The following PPP1R16B variants were observed in gnomAD, a reference collection of about 807,000 sequenced individuals.
PPP1R16B encodes protein phosphatase 1 regulatory inhibitor subunit 16B.
Under a neutral mutation model 61.7 loss-of-function variants are expected in PPP1R16B, and 14 were observed. The observed-to-expected ratio is 0.23, with a 90% CI of 0.15 to 0.35. The LOEUF is 0.35. Ranked by LOEUF, PPP1R16B falls within the 10% of genes least tolerant of loss-of-function variation. The probability of loss-of-function intolerance (pLI) is 1.00; values close to 1 mark genes in which losing one functional copy is unlikely to be tolerated. For synonymous variants in PPP1R16B, 266 were observed against 305.3 expected, an observed-to-expected ratio of 0.87 and a Z score of 1.34; for missense variants, 547 against 752.5, an observed-to-expected ratio of 0.73 and a Z score of 3.19.
chr20:38,836,980 C>A (rs1023973417), intron 2 of PPP1R16B, among the ~76,000 whole-genome samples: 1 of 152,218 alleles, frequency 6.6e-6, no homozygotes. Flanking sequence ...CAAGTTGGAT[C>A]TGGTTTCTCC....
intron 2 of PPP1R16B, among the ~76,000 whole-genome samples, chr20:38,855,978 A>AAGGAGGAGGAGGAGGAGGAGGAG (rs1265586618): frequency 4.0e-4 from 12 of 29,754 alleles, no homozygotes; most frequent in African/African-American, 9.0e-4. Context: ...AGAGAGAGAG[A>AAGGAGGAGGAGGAGGAGGAGGAG]GAGAAGGAGG....
At chr20:38,915,448 G>A (rs765542147) in intron 10 of PPP1R16B, among the ~76,000 whole-genome samples, 6 of 152,114 alleles carry the variant, frequency 3.9e-5, no homozygotes, top group Non-Finnish European at 7.4e-5. Flanking sequence ...TGTTATATAC[G>A]TGGAATTATA....
rs746448700 is a variant in PPP1R16B at position 38,918,555 on chromosome 20, T to G, written c.1593T>G (p.Asn531Lys). ...IGGRTSPYSS[N>K]GTSVYYTVTS... ...GCAGAACTTCACCGTACAGCAGCAA[T>G]GGGACCTCGGTATATTACACGGTCA... The change falls in exon 11 of 11, where the codon AAT (asparagine) becomes AAG (lysine). Residue 531 changes from asparagine to lysine, a missense_variant. Asn to Lys is a moderately conservative substitution (Grantham distance 94). Coordinates refer to ENST00000299824, the MANE Select transcript of PPP1R16B (RefSeq NM_015568.4). This position sits in a 1 kb window ranked among gnomAD's most constrained non-coding sequence, Gnocchi z 5.3. 6 of 1,567,320 alleles carry G rather than the reference T, an allele frequency of 3.8e-6. No homozygotes were observed. The South Asian group carries it at 6.0e-5, about 16-fold the overall frequency.
chr20:38,889,477 G>T, intron 2 of PPP1R16B, 118 bp from the exon 3 acceptor site: 1 of 837,254 alleles, frequency 1.2e-6, no homozygotes, highest in South Asian at 1.5e-5. Flanking sequence ...TCTGTAAAAT[G>T]GGGAGTTGTT....
At chr20:38,807,533 A>T (rs957296089) in intron 1 of PPP1R16B, among the ~76,000 whole-genome samples, 2 of 152,112 alleles carry the variant, frequency 1.3e-5, no homozygotes, top group African/African-American at 4.8e-5. Flanking sequence ...CAGCTCTGTC[A>T]TAAAAAGCCA....
intron 2 of PPP1R16B, among the ~76,000 whole-genome samples, chr20:38,851,238 G>C (rs1351429818): frequency 1.3e-5 from 2 of 152,012 alleles, no homozygotes; most frequent in Non-Finnish European, 2.9e-5. Context: ...GCCAAGGTGG[G>C]TGGATCACCA....
intron 1 of PPP1R16B, among the ~76,000 whole-genome samples, chr20:38,818,929 A>C (rs78302377): frequency 0.049 from 7,507 of 151,788 alleles, 196 homozygotes; most frequent in Non-Finnish European, 0.062. Context: ...CAGGTGGGAG[A>C]CACCACACCC....
chr20:38,823,710 G>A (rs1311256640), intron 1 of PPP1R16B, among the ~76,000 whole-genome samples: 1 of 152,126 alleles, frequency 6.6e-6, no homozygotes, highest in Non-Finnish European at 1.5e-5. Context: ...ACCCATAGGG[G>A]GTTGAGCCTA....
intron 1 of PPP1R16B, among the ~76,000 whole-genome samples, chr20:38,818,772 TC>T (rs1267082003): frequency 2.0e-5 from 3 of 151,040 alleles, no homozygotes; most frequent in Non-Finnish European, 1.5e-5. Context: ...TTTTTTTTTT[TC>T]CCCTTGAGAC....
At chr20:38,876,173 A>G (rs1016821879) in intron 2 of PPP1R16B, among the ~76,000 whole-genome samples, 1 of 151,982 alleles carries the variant, frequency 6.6e-6, no homozygotes, top group Non-Finnish European at 1.5e-5. Context: ...AGGTTTCACC[A>G]TGTTGGCCAG....
rs572056817 is a variant in PPP1R16B, at chr20:38,822,366, A to G, written c.-101-13459A>G. Among the ~76,000 whole-genome samples the G allele has an allele frequency of 1.2e-4, 19 of 152,298 alleles. No homozygotes were observed. The South Asian group carries it at 3.7e-3, about 30-fold the overall frequency. ...TATCCAAGTTTTAGCTAGTAAGTAC[A>G]GCACTGACTGGGCGCTTCCCGCAAA... On this transcript the variant is annotated intron_variant, in intron 1 of 10. Coordinates refer to ENST00000299824, the MANE Select transcript of PPP1R16B (RefSeq NM_015568.4).
intron 2 of PPP1R16B, among the ~76,000 whole-genome samples, chr20:38,869,252 G>A (rs2085110575): frequency 6.6e-6 from 1 of 151,984 alleles, no homozygotes; most frequent in Admixed American, 6.6e-5. Context: ...TCCACCTCCT[G>A]GGTTCAAGTG....
chr20:38,886,358 C>A (rs183465599), intron 2 of PPP1R16B, among the ~76,000 whole-genome samples: 1 of 152,210 alleles, frequency 6.6e-6, no homozygotes, highest in Non-Finnish European at 1.5e-5. Flanking sequence ...TGGAGAACAC[C>A]CCAATAATTA....
intron 2 of PPP1R16B, among the ~76,000 whole-genome samples, chr20:38,852,767 T>TTTTTTTTTG (rs2084977606): frequency 9.7e-6 from 1 of 103,264 alleles, no homozygotes; most frequent in African/African-American, 3.8e-5. Flanking sequence ...TTTTTTTTTT[T>TTTTTTTTTG]TGCGGGGGGT....
At position 38,836,120 on chromosome 20, in the gene PPP1R16B, C is replaced by T. The variant is rs533559710; in HGVS notation, c.195C>T (p.Ser65=). The T allele has an allele frequency of 6.9e-5, 112 of 1,612,556 alleles. No individual in the cohort carries two copies. Among genetic ancestry groups the T allele is most frequent in the Non-Finnish European group, 9.0e-5 (106 of 1,179,920 alleles). ...CGGGCGGCCGCCGCAAGAAAGTGTC[C>T]TTCGAGGCCAGCGTGGCCCTGCTGG... ...RSTGGRRKKV[S]FEASVALLEA... The change falls in exon 2 of 11, where the codon TCC becomes TCT. Residue 65 remains serine (S), a synonymous_variant. Coordinates refer to ENST00000299824, the MANE Select transcript of PPP1R16B (RefSeq NM_015568.4).
At chr20:38,917,647 T>C (rs1216884019) in intron 10 of PPP1R16B, among the ~76,000 whole-genome samples, 1 of 152,198 alleles carries the variant, frequency 6.6e-6, no homozygotes, top group Admixed American at 6.6e-5. Context: ...TTTATTGGCT[T>C]GTGCAACTGA....
At chr20:38,905,170 A>G (rs369845375) in intron 6 of PPP1R16B, among the ~76,000 whole-genome samples, 1 of 152,146 alleles carries the variant, frequency 6.6e-6, no homozygotes, top group African/African-American at 2.4e-5. Context: ...ATTGTCTCAC[A>G]TGGTTTCTTT....
rs76700417 is a variant in PPP1R16B at position 38,880,168 on chromosome 20, C to T, written c.251-9427C>T. Among the ~76,000 whole-genome samples, 545 of 152,284 alleles carry T rather than the reference C, an allele frequency of 3.6e-3. 26 individuals carry two copies. The East Asian group carries it at 0.072, about 20-fold the overall frequency. ...TCCTACTCACCCTATCCCTCCAGAA[C>T]TTTAGTGTCGTAAAGACACAGACAA... On this transcript the variant is annotated intron_variant, in intron 2 of 10. Coordinates refer to ENST00000299824, the MANE Select transcript of PPP1R16B (RefSeq NM_015568.4).
At chr20:38,904,684 T>C (rs1216952039) in intron 6 of PPP1R16B, among the ~76,000 whole-genome samples, 1 of 151,994 alleles carries the variant, frequency 6.6e-6, no homozygotes, top group African/African-American at 2.4e-5. Flanking sequence ...CAAGCAACCT[T>C]CTCCCAGGAT....
Sources: allele counts gnomAD v4.1 joint callset (sites outside exome capture counted in the v4.1 genomes callset), GRCh38; gene constraint gnomAD v4.1.1; non-coding constraint Gnocchi (gnomAD v3.1); transcripts MANE v1.5; gene names NCBI Gene and HGNC (gene_info 2026-07-23, HGNC 2026-07-21).